Variants in CA10 observed in about 807,000 individuals in gnomAD.
CA10 encodes carbonic anhydrase 10 (inactive).
A neutral mutation model predicts 44.2 loss-of-function variants in CA10; 14 were observed. That is an observed-to-expected ratio of 0.32 (90% CI 0.21 to 0.50). The LOEUF (loss-of-function observed/expected upper bound fraction) is 0.50. Among genes scored for constraint, CA10 ranks in the 20% least tolerant of loss-of-function variants. The pLI is 0.99. For missense variants in CA10, 350 were observed against 409.7 expected, an observed-to-expected ratio of 0.85 and a Z score of 1.26; for synonymous variants, 159 against 141.6, an observed-to-expected ratio of 1.12 and a Z score of -0.87.
At chr17:51,948,248 C>T (rs1983357323) in intron 2 of CA10, among the ~76,000 whole-genome samples, 1 of 152,162 alleles carries the variant, frequency 6.6e-6, no homozygotes, top group South Asian at 2.1e-4. Context: ...CATATTTCTG[C>T]TTTGTCAGCT....
chr17:51,774,520 A>C (rs1598038715), intron 3 of CA10, among the ~76,000 whole-genome samples: 1 of 151,318 alleles, frequency 6.6e-6, no homozygotes, highest in African/African-American at 2.4e-5. Flanking sequence ...GCTCACTGCA[A>C]CCTCCACTTC....
chr17:52,102,468 T>G (rs1381151020), intron 1 of CA10, among the ~76,000 whole-genome samples: 2 of 152,186 alleles, frequency 1.3e-5, no homozygotes, highest in Non-Finnish European at 2.9e-5. Context: ...CAACCACAAG[T>G]GGAACTTAAC....
chr17:51,642,768 G>A (rs911746805), intron 6 of CA10, among the ~76,000 whole-genome samples: 2 of 151,968 alleles, frequency 1.3e-5, no homozygotes, highest in African/African-American at 4.8e-5. Context: ...TCAGCCTCCC[G>A]AGTAGCTGGG....
At chr17:51,765,736 C>G (rs955008146) in intron 3 of CA10, among the ~76,000 whole-genome samples, 1 of 92,776 alleles carries the variant, frequency 1.1e-5, no homozygotes, top group African/African-American at 3.2e-5. Context: ...TGTGTGTGTG[C>G]ATGCATGTGT....
At chr17:51,980,113 T>C (rs1384723194) in intron 2 of CA10, among the ~76,000 whole-genome samples, 1 of 152,202 alleles carries the variant, frequency 6.6e-6, no homozygotes, top group Non-Finnish European at 1.5e-5. Flanking sequence ...CATACTGCTT[T>C]CCACAATGGT....
At chr17:51,961,164 ACT>A (rs954539421) in intron 2 of CA10, among the ~76,000 whole-genome samples, 21 of 138,998 alleles carry the variant, frequency 1.5e-4, no homozygotes, top group Admixed American at 3.0e-4. Flanking sequence ...TCCTGCCCCT[ACT>A]CTCTCTCTGT....
chr17:51,665,626 A>G (rs1914177947), intron 4 of CA10, among the ~76,000 whole-genome samples: 1 of 152,208 alleles, frequency 6.6e-6, no homozygotes, highest in Non-Finnish European at 1.5e-5. Context: ...ATAAACCCAG[A>G]TGGTATATGG....
intron 4 of CA10, among the ~76,000 whole-genome samples, chr17:51,718,861 G>T (rs143790075): frequency 7.9e-4 from 121 of 152,340 alleles, no homozygotes; most frequent in African/African-American, 2.7e-3. Flanking sequence ...GGTCACAGAA[G>T]TGTTGATTGT....
At chr17:51,718,337 T>C (rs916070909) in intron 4 of CA10, among the ~76,000 whole-genome samples, 1 of 151,942 alleles carries the variant, frequency 6.6e-6, no homozygotes, top group African/African-American at 2.4e-5. Context: ...CACCTCAACC[T>C]CCAGGAAGAA....
chr17:51,721,593 C>T (rs184348304), intron 4 of CA10, among the ~76,000 whole-genome samples: 318 of 151,950 alleles, frequency 2.1e-3, no homozygotes, highest in Non-Finnish European at 3.0e-3. Flanking sequence ...CTTTGGCTTC[C>T]CAAAGTGTTG....
chr17:51,869,599 A>G (rs981279856), intron 3 of CA10, among the ~76,000 whole-genome samples: 8 of 152,212 alleles, frequency 5.3e-5, no homozygotes, highest in Non-Finnish European at 1.0e-4. Context: ...ATTTTGACTC[A>G]GAATGAGGCA....
intron 2 of CA10, among the ~76,000 whole-genome samples, chr17:51,936,135 G>C (rs1040939142): frequency 6.6e-6 from 1 of 152,146 alleles, no homozygotes; most frequent in African/African-American, 2.4e-5. Context: ...TGATGTGCCA[G>C]GCATTAGGGT....
At chr17:51,811,060 G>A (rs1360572036) in intron 3 of CA10, among the ~76,000 whole-genome samples, 1 of 152,180 alleles carries the variant, frequency 6.6e-6, no homozygotes, top group Non-Finnish European at 1.5e-5. Flanking sequence ...GCCGGGCATG[G>A]TGGTGGGTGC....
rs17590555 is a variant in CA10, at chr17:51,909,359, C to T, written c.279+21631G>A. 4.6e-3 allele frequency among the ~76,000 whole-genome samples: 705 copies of T among 152,136 alleles called. 3 individuals are homozygous for T. The highest frequency in any genetic ancestry group is 7.8e-3 in the Non-Finnish European group (531 of 67,980). On this transcript the variant is annotated intron_variant, in intron 3 of 8. Coordinates refer to ENST00000451037, the MANE Select transcript of CA10 (RefSeq NM_020178.5). ...AATTAGTCACTATTTATCTGAAGAC[C>T]GAGAATCCAGCTTGTTACCATGATT...
chr17:51,732,578 C>T (rs1457120084), intron 4 of CA10, among the ~76,000 whole-genome samples: 1 of 152,162 alleles, frequency 6.6e-6, no homozygotes, highest in East Asian at 1.9e-4. Context: ...GTCTGCATAA[C>T]CGACAGTGTC....
chr17:52,044,820 A>T (rs552296230), intron 2 of CA10, among the ~76,000 whole-genome samples: 11 of 152,090 alleles, frequency 7.2e-5, no homozygotes, highest in Non-Finnish European at 1.3e-4. Flanking sequence ...AACCTCAACA[A>T]CTTGTGAAAC....
At chr17:51,813,501 A>C (rs8071149) in intron 3 of CA10, among the ~76,000 whole-genome samples, 114,170 of 152,124 alleles carry the variant, frequency 0.75, 43,163 homozygotes, top group East Asian at 0.86. Context: ...GATGATCAGG[A>C]CCTGTTCAGA....
chr17:52,086,788 T>C (rs1988127212), intron 1 of CA10, among the ~76,000 whole-genome samples: 1 of 152,228 alleles, frequency 6.6e-6, no homozygotes, highest in African/African-American at 2.4e-5. Flanking sequence ...GTCCCAATAT[T>C]GTTATAAAAT....
upstream of CA10, chr17:52,159,147 G>T (rs1192905410): frequency 6.6e-6 from 1 of 150,986 alleles, no homozygotes; most frequent in Non-Finnish European, 1.5e-5. Context: ...GCTGTGCTGT[G>T]CTCTCCCTCC....
Sources: gnomAD v4.1 joint callset for allele counts (sites outside exome capture counted in the v4.1 genomes callset) on GRCh38, gnomAD v4.1.1 for gene constraint, MANE v1.5 for transcripts, NCBI Gene and HGNC (gene_info 2026-07-23, HGNC 2026-07-21) for gene names.